TCERG1L: variants seen among roughly 807,000 people sequenced by gnomAD.
TCERG1L encodes the protein transcription elongation regulator 1-like protein.
Under a neutral mutation model 56.3 loss-of-function variants are expected in TCERG1L, and 37 were observed. That is an observed-to-expected ratio of 0.66 (90% CI 0.51 to 0.87). The LOEUF (loss-of-function observed/expected upper bound fraction) is 0.87. TCERG1L is among the 40% of genes least tolerant of loss of function. The probability of loss-of-function intolerance (pLI) is 0.00; values close to 1 mark genes in which losing one functional copy is unlikely to be tolerated. For synonymous variants in TCERG1L, 324 were observed against 326.3 expected (o/e 0.99, Z 0.08); for missense variants, 799 against 774.2 (o/e 1.03, Z -0.38).
rs1846905206 is a variant in TCERG1L at position 131,311,711 on chromosome 10, G to A, written c.-76C>T. Reference sequence around the variant, plus strand: ...GCTGGGCCGGCGGCGGCGCGGCTCCGGAGCGAACTCACTTGGCTCCGCGGC... The same window carrying A: ...GCTGGGCCGGCGGCGGCGCGGCTCCAGAGCGAACTCACTTGGCTCCGCGGC... On this transcript the variant is annotated 5_prime_UTR_variant, in exon 1 of 12. Transcript: ENST00000368642. The surrounding 1 kb of genome is among the most constrained non-coding windows in gnomAD (Gnocchi z 4.0). 2 of 748,090 alleles carry A rather than the reference G, an allele frequency of 2.7e-6. No individual in the cohort carries two copies. Among genetic ancestry groups the A allele is most frequent in the Non-Finnish European group, 3.4e-6 (2 of 594,228 alleles). 46.3% of individuals were successfully genotyped at this position (748,090 alleles called of 1,614,324 possible).
At chr10:131,309,081 T>G (rs1177093239) in intron 2 of TCERG1L, 72 bp downstream of exon 2, 1 of 1,535,906 alleles carries the variant, frequency 6.5e-7, no homozygotes, top group Non-Finnish European at 8.8e-7. Context: ...TGGGTATTTT[T>G]GTTGTTATGT....
chr10:131,248,857 T>C (rs1846072232), intron 4 of TCERG1L, among the ~76,000 whole-genome samples: 1 of 152,200 alleles, frequency 6.6e-6, no homozygotes, highest in African/African-American at 2.4e-5. Context: ...GGTGCTCGCA[T>C]CCAGTCTTTG....
intron 4 of TCERG1L, among the ~76,000 whole-genome samples, chr10:131,209,078 T>C (rs979339714): frequency 2.8e-5 from 4 of 141,584 alleles, no homozygotes; most frequent in African/African-American, 7.8e-5. Flanking sequence ...AAAAAAATCG[T>C]AGTCAAAACT....
intron 3 of TCERG1L, among the ~76,000 whole-genome samples, chr10:131,280,249 T>C (rs1291686876): frequency 2.0e-5 from 3 of 149,858 alleles, no homozygotes; most frequent in African/African-American, 4.9e-5. Flanking sequence ...AAGGAGGCAA[T>C]CAGACATGCA....
In TCERG1L at chr10:131,307,532, G is replaced by A. The variant is rs114791232; in HGVS notation, c.670+679C>T. Among the ~76,000 whole-genome samples, 1,100 of 152,128 alleles carry A rather than the reference G, an allele frequency of 7.2e-3. 14 individuals are homozygous for A. Among genetic ancestry groups the A allele is most frequent in the African/African-American group, 0.025 (1,037 of 41,502 alleles). On this transcript the variant is annotated intron_variant, in intron 3 of 11. Transcript: ENST00000368642. ...AGGTGTTGCACGACAATTTTGGCAC[G>A]GGCAGCATTTGCTTTTATAAAATGA...
Position 131,114,458 on chromosome 10 carries a change from A to G in TCERG1L, c.1395+2341T>C, listed in dbSNP as rs78840622. Among the ~76,000 whole-genome samples, 12 of 150,284 alleles carry G rather than the reference A, an allele frequency of 8.0e-5. 3 individuals carry two copies. In the East Asian group the frequency reaches 2.2e-3, roughly 28 times the overall value. Reference sequence around the variant, plus strand: ...CCTGAAAATCCTCATAAGACACGGGACTAGGCTTCACCCTAGTCCCTTTCT... The same window carrying G: ...CCTGAAAATCCTCATAAGACACGGGGCTAGGCTTCACCCTAGTCCCTTTCT... On this transcript the variant is annotated intron_variant, in intron 9 of 11. Transcript: ENST00000368642.
At chr10:131,268,467 T>C (rs1846307707) in intron 3 of TCERG1L, among the ~76,000 whole-genome samples, 1 of 152,158 alleles carries the variant, frequency 6.6e-6, no homozygotes, top group South Asian at 2.1e-4. Context: ...CAACTTAAAG[T>C]CACAAGCTGC....
rs111672469 is a variant in TCERG1L, at chr10:131,123,064, C to G, written c.1260-6130G>C. On this transcript the variant is annotated intron_variant, in intron 8 of 11. Transcript: ENST00000368642. The stretch of plus-strand genomic sequence containing the variant: ...TATTATAGAACCCACCGGCCCCACA[C>G]AGCTGTCATGAGACTGAACAGCACT... Among the ~76,000 whole-genome samples the G allele has an allele frequency of 2.2e-3, 335 of 152,320 alleles. 2 individuals are homozygous for G. Among genetic ancestry groups the G allele is most frequent in the African/African-American group, 7.6e-3 (315 of 41,576 alleles).
intron 4 of TCERG1L, among the ~76,000 whole-genome samples, chr10:131,246,821 C>A (rs745605555): frequency 6.6e-6 from 1 of 152,208 alleles, no homozygotes; most frequent in Non-Finnish European, 1.5e-5. Context: ...TACAAGGCAT[C>A]CCCCTGCCGG....
chr10:131,220,109 C>A (rs527834139), intron 4 of TCERG1L, among the ~76,000 whole-genome samples: 1 of 152,222 alleles, frequency 6.6e-6, no homozygotes, highest in African/African-American at 2.4e-5. Flanking sequence ...ACCCGCATGG[C>A]CTTTCAGAGC....
At chr10:131,184,747 C>A (rs1845218007) in intron 4 of TCERG1L, among the ~76,000 whole-genome samples, 1 of 152,210 alleles carries the variant, frequency 6.6e-6, no homozygotes, top group Admixed American at 6.5e-5. Context: ...GAAATGGCAG[C>A]AACAGGTGCA....
At chr10:131,143,961 A>C (rs939518872) in intron 7 of TCERG1L, among the ~76,000 whole-genome samples, 2 of 152,208 alleles carry the variant, frequency 1.3e-5, no homozygotes, top group African/African-American at 4.8e-5. Context: ...CTGTGGAATG[A>C]CGAACGTCTC....
intron 4 of TCERG1L, among the ~76,000 whole-genome samples, chr10:131,188,230 C>A (rs910382738): frequency 6.6e-6 from 1 of 152,174 alleles, no homozygotes; most frequent in East Asian, 1.9e-4. Flanking sequence ...TACAATTAGT[C>A]TCATTGATGG....
At chr10:131,109,123 C>T (rs528115478) in intron 9 of TCERG1L, among the ~76,000 whole-genome samples, 19 of 152,282 alleles carry the variant, frequency 1.2e-4, no homozygotes, top group South Asian at 4.2e-4. Context: ...AGCACGTCCC[C>T]GAGACCAGGA....
intron 4 of TCERG1L, among the ~76,000 whole-genome samples, chr10:131,215,691 G>A (rs184064935): frequency 3.3e-5 from 5 of 152,270 alleles, no homozygotes; most frequent in African/African-American, 1.2e-4. Context: ...GGGAAGAGGA[G>A]GGGAAGTCAG....
In TCERG1L at chr10:131,256,766, C is replaced by G. The variant is rs139968882; in HGVS notation, c.856+3493G>C. On this transcript the variant is annotated intron_variant, in intron 4 of 11. Coordinates refer to ENST00000368642, the MANE Select transcript of TCERG1L (RefSeq NM_174937.4). Reference sequence around the variant, plus strand: ...GGGCATGGGGGTGTGCACCTGTAATCGTAGCTACAGGGGAGACTGAGGCAG... The same window carrying G: ...GGGCATGGGGGTGTGCACCTGTAATGGTAGCTACAGGGGAGACTGAGGCAG... 2.6e-3 allele frequency among the ~76,000 whole-genome samples: 391 copies of G among 151,694 alleles called. 1 individual carries two copies. The highest frequency in any genetic ancestry group is 3.4e-3 in the Middle Eastern group (1 of 294).
intron 11 of TCERG1L, among the ~76,000 whole-genome samples, chr10:131,094,568 C>T (rs987233217): frequency 3.9e-5 from 6 of 152,176 alleles, no homozygotes; most frequent in Non-Finnish European, 8.8e-5. Context: ...TCCTGCTCTC[C>T]GTCTGTGGGG....
chr10:131,154,872 C>T (rs1157231808), intron 6 of TCERG1L, among the ~76,000 whole-genome samples: 2 of 152,230 alleles, frequency 1.3e-5, no homozygotes, highest in Admixed American at 1.3e-4. Flanking sequence ...CTGGGCCAGG[C>T]ACCTGCCGCG....
intron 4 of TCERG1L, among the ~76,000 whole-genome samples, chr10:131,222,455 A>G (rs1845744366): frequency 1.3e-5 from 2 of 152,232 alleles, no homozygotes; most frequent in South Asian, 2.1e-4. Context: ...CTCTATTGGC[A>G]GATGTGAAAC....
Sources: allele counts gnomAD v4.1 joint callset (sites outside exome capture counted in the v4.1 genomes callset), GRCh38; gene constraint gnomAD v4.1.1; non-coding constraint Gnocchi (gnomAD v3.1); transcripts MANE v1.5; gene names NCBI Gene and HGNC (gene_info 2026-07-23, HGNC 2026-07-21).